Variants in SGCD observed in about 807,000 individuals in gnomAD.
The protein encoded by SGCD is delta-sarcoglycan.
Under a neutral mutation model 36.6 loss-of-function variants are expected in SGCD, and 18 were observed. The observed-to-expected ratio is 0.49, with a 90% confidence interval of 0.34 to 0.73. The LOEUF (loss-of-function observed/expected upper bound fraction) is 0.73. SGCD is among the 30% of genes least tolerant of loss of function. The probability of loss-of-function intolerance (pLI) is 0.01; values close to 1 mark genes in which losing one functional copy is unlikely to be tolerated. For synonymous variants in SGCD, 133 were observed against 130.6 expected (o/e 1.02, Z -0.12); for missense variants, 387 against 346.7 (o/e 1.12, Z -0.92).
chr5:156,146,480 G>A (rs1306522973), intron 3 of SGCD, among the ~76,000 whole-genome samples: 4 of 152,146 alleles, frequency 2.6e-5, no homozygotes, highest in Middle Eastern at 3.2e-3. Flanking sequence ...GAAAGGTGGA[G>A]GTATGACTAC....
chr5:156,488,115 T>G (rs1581064965), intron 3 of SGCD, among the ~76,000 whole-genome samples: 3 of 145,578 alleles, frequency 2.1e-5, no homozygotes. Flanking sequence ...TTTTTTTTTT[T>G]TTTTTTTTTA....
At chr5:155,735,950 G>A in the SGCD span, among the ~76,000 whole-genome samples, 1 of 152,148 alleles carries the variant, frequency 6.6e-6, no homozygotes, top group African/African-American at 2.4e-5. Flanking sequence ...CCCTGGCACA[G>A]GGTCATTGGC....
At chr5:156,324,147 C>A (rs1039865965), upstream of SGCD, among the ~76,000 whole-genome samples, 1 of 152,052 alleles carries the variant, frequency 6.6e-6, no homozygotes, top group Non-Finnish European at 1.5e-5. Context: ...AAGACTGGTT[C>A]CAAGAACATT....
At chr5:155,768,191 A>G in the SGCD span, among the ~76,000 whole-genome samples, 1 of 152,054 alleles carries the variant, frequency 6.6e-6, no homozygotes, top group African/African-American at 2.4e-5. Flanking sequence ...TGTCTATGTT[A>G]TTCTCCAGTA....
At chr5:156,473,149 AT>A (rs1046687672) in intron 3 of SGCD, among the ~76,000 whole-genome samples, 6 of 152,132 alleles carry the variant, frequency 3.9e-5, no homozygotes, top group Admixed American at 1.3e-4. Context: ...TTTGCCTCTT[AT>A]TTTACCAACT....
At chr5:156,748,967 G>T (rs1255137295) in intron 7 of SGCD, among the ~76,000 whole-genome samples, 1 of 152,016 alleles carries the variant, frequency 6.6e-6, no homozygotes, top group Non-Finnish European at 1.5e-5. Context: ...GTTTTACTAT[G>T]TTGGCCAGGC....
intron 7 of SGCD, among the ~76,000 whole-genome samples, chr5:156,738,906 A>C: frequency 6.6e-6 from 1 of 152,234 alleles, no homozygotes; most frequent in East Asian, 1.9e-4. Context: ...TCCAGCAGAC[A>C]TCCAGCAGAT....
chr5:156,581,368 T>C (rs1400001932), intron 4 of SGCD, among the ~76,000 whole-genome samples: 2 of 152,152 alleles, frequency 1.3e-5, no homozygotes, highest in Admixed American at 1.3e-4. Context: ...TTAGGCTACA[T>C]GGGGTTCAGG....
At chr5:156,127,854 C>CAAAAAAAAAAAAAAAAAAAAAAAAA in intron 3 of SGCD, among the ~76,000 whole-genome samples, 1 of 18,446 alleles carries the variant, frequency 5.4e-5, no homozygotes, top group Non-Finnish European at 9.8e-5. Context: ...AACATAAATG[C>CAAAAAAAAAAAAAAAAAAAAAAAAA]AAAAAAAAAA....
intron 3 of SGCD, among the ~76,000 whole-genome samples, chr5:156,170,053 T>G (rs2127621717): frequency 6.6e-6 from 1 of 152,264 alleles, no homozygotes; most frequent in East Asian, 1.9e-4. Context: ...GAGGGTTGGA[T>G]TGCAAGGGGC....
the SGCD span, among the ~76,000 whole-genome samples, chr5:155,758,511 C>T: frequency 8.5e-5 from 13 of 152,168 alleles, no homozygotes; most frequent in South Asian, 8.3e-4. Flanking sequence ...GGACTGGTAC[C>T]GGTCCATGGC....
intron 3 of SGCD, among the ~76,000 whole-genome samples, chr5:156,151,806 A>G (rs901681270): frequency 2.0e-5 from 3 of 147,498 alleles, no homozygotes; most frequent in African/African-American, 7.8e-5. Flanking sequence ...AGGTATGTCT[A>G]CATGTTTACA....
intron 7 of SGCD, among the ~76,000 whole-genome samples, chr5:156,686,210 G>A (rs157670): frequency 0.12 from 17,951 of 152,004 alleles, 1,927 homozygotes; most frequent in African/African-American, 0.28. Context: ...AGGCCTAGAG[G>A]GGTTATAGAA....
At chr5:156,572,470 T>A (rs529192767) in intron 4 of SGCD, among the ~76,000 whole-genome samples, 35 of 152,172 alleles carry the variant, frequency 2.3e-4, no homozygotes, top group Non-Finnish European at 4.9e-4. Context: ...TTACCCAATT[T>A]TTAGCCTCAT....
At chr5:156,469,926 T>C (rs1292571481) in intron 3 of SGCD, among the ~76,000 whole-genome samples, 1 of 152,214 alleles carries the variant, frequency 6.6e-6, no homozygotes, top group African/African-American at 2.4e-5. Context: ...AGGCCTCTCA[T>C]GCTGCTAGTT....
At chr5:156,254,143 T>G (rs1765652071) in intron 3 of SGCD, among the ~76,000 whole-genome samples, 1 of 152,216 alleles carries the variant, frequency 6.6e-6, no homozygotes, top group South Asian at 2.1e-4. Flanking sequence ...ACTAATACAC[T>G]GATAATAGGC....
chr5:156,534,638 G>C (rs976048237), intron 4 of SGCD, among the ~76,000 whole-genome samples: 1 of 152,154 alleles, frequency 6.6e-6, no homozygotes, highest in Non-Finnish European at 1.5e-5. Flanking sequence ...TAGTAGCAAA[G>C]TACATGTAAT....
At chr5:156,308,329 C>T (rs1245440101) in intron 3 of SGCD, among the ~76,000 whole-genome samples, 6 of 150,148 alleles carry the variant, frequency 4.0e-5, no homozygotes, top group African/African-American at 7.4e-5. Flanking sequence ...GACGGAGTCT[C>T]GCCCTGTCAC....
At chr5:156,096,610 G>C (rs901826572) in intron 1 of SGCD, among the ~76,000 whole-genome samples, 4 of 152,242 alleles carry the variant, frequency 2.6e-5, no homozygotes, top group Non-Finnish European at 5.9e-5. Context: ...TCTCCTAGTT[G>C]GGGAGAATTC....
Sources: gnomAD v4.1 joint callset for allele counts (sites outside exome capture counted in the v4.1 genomes callset) on GRCh38, gnomAD v4.1.1 for gene constraint, MANE v1.5 for transcripts, NCBI Gene and HGNC (gene_info 2026-07-23, HGNC 2026-07-21) for gene names.